Variants in SNX18 observed in about 807,000 individuals in gnomAD.
SNX18 encodes the protein sorting nexin 18, also known as sorting nexin-18.
Under a neutral mutation model 48.7 loss-of-function variants are expected in SNX18, and 35 were observed. The observed-to-expected ratio is 0.72, with a 90% CI of 0.55 to 0.95. The LOEUF (loss-of-function observed/expected upper bound fraction) is 0.95. Ranked by LOEUF, SNX18 falls within the 40% of genes least tolerant of loss-of-function variation. SNX18 has a pLI of 0.00. For missense variants in SNX18, 824 were observed against 871.0 expected, an observed-to-expected ratio of 0.95 and a Z score of 0.68; for synonymous variants, 492 against 384.7, an observed-to-expected ratio of 1.28 and a Z score of -3.26.
chr5:54,552,512 C>A, the SNX18 span, among the ~76,000 whole-genome samples: 4 of 152,220 alleles, frequency 2.6e-5, no homozygotes, highest in African/African-American at 9.6e-5. Flanking sequence ...TGTGGACAGA[C>A]CCTGTGGGAA....
chr5:54,620,122 T>C, the SNX18 span, among the ~76,000 whole-genome samples: 22 of 152,278 alleles, frequency 1.4e-4, no homozygotes, highest in African/African-American at 5.1e-4. Flanking sequence ...CTCTGTTTTA[T>C]AAAGAGCTCT....
Position 54,518,905 on chromosome 5 carries a change from G to A in SNX18, c.953G>A (p.Trp318Ter). The change falls in exon 1 of 2, where the codon TGG (tryptophan) becomes TAG (stop). Residue 318 changes from tryptophan (W) to a stop codon, truncating the protein, a stop_gained. Coordinates refer to ENST00000381410, the MANE Select transcript of SNX18 (RefSeq NM_001102575.2). LOFTEE classifies it high-confidence loss of function. ...PVHRRYKHFD[W>*]LYARLAEKFP... ...CATCGGCGCTACAAGCACTTCGACT[G>A]GCTGTACGCGCGCCTGGCGGAGAAG... is the stretch of plus-strand genomic sequence containing the variant. 6.2e-7 allele frequency: 1 copy of A among 1,613,974 alleles called. No individual in the cohort carries two copies. The highest frequency in any genetic ancestry group is 8.5e-7 in the Non-Finnish European group (1 of 1,180,028).
At chr5:54,532,532 T>C (rs1762268666) in intron 1 of SNX18, among the ~76,000 whole-genome samples, 1 of 152,092 alleles carries the variant, frequency 6.6e-6, no homozygotes, top group Non-Finnish European at 1.5e-5. Flanking sequence ...ATTCTGTGGG[T>C]ATCAGATCTT....
chr5:54,519,473 C>T lies in SNX18; in HGVS notation c.1521C>T (p.Phe507=). ...GDAYDAIGEL[F]AEQPRQDLDP... ...CCTATGACGCCATTGGCGAGCTCTT[C>T]GCGGAGCAGCCCAGGCAGGACCTGG... The change falls in exon 1 of 2, where the codon TTC becomes TTT. Residue 507 remains phenylalanine (F), a synonymous_variant. Transcript: ENST00000381410. 6.2e-7 allele frequency: 1 copy of T among 1,614,196 alleles called. No homozygotes were observed. The highest frequency in any genetic ancestry group is 8.5e-7 in the Non-Finnish European group (1 of 1,180,036).
the SNX18 span, among the ~76,000 whole-genome samples, chr5:54,590,379 C>T: frequency 6.6e-6 from 1 of 152,340 alleles, no homozygotes; most frequent in South Asian, 2.1e-4. Flanking sequence ...CTCTGAATCA[C>T]TTCCCTAAGC....
chr5:54,639,295 A>C, the SNX18 span, among the ~76,000 whole-genome samples: 1 of 152,170 alleles, frequency 6.6e-6, no homozygotes, highest in Non-Finnish European at 1.5e-5. Context: ...TTTTAAAAAA[A>C]AATTTTTCAG....
rs1762552392 is a variant in SNX18, at chr5:54,545,021, A to G, written c.*1589A>G. ...TGCAGATACTCAGAAAAGGTTATTG[A>G]AATAATTACTGAACAGCACATTTTC... On this transcript the variant is annotated 3_prime_UTR_variant, in exon 2 of 2. Transcript: ENST00000381410. The G allele has an allele frequency of 6.6e-6, 1 of 152,184 alleles. No individual in the cohort carries two copies. The highest frequency in any genetic ancestry group is 2.1e-4 in the South Asian group (1 of 4,826). 9.4% of individuals were successfully genotyped at this position (152,184 alleles called of 1,614,324 possible).
downstream of SNX18, among the ~76,000 whole-genome samples, chr5:54,546,802 C>A (rs542903741): frequency 6.6e-6 from 1 of 152,182 alleles, no homozygotes; most frequent in Non-Finnish European, 1.5e-5. Context: ...TTAGTGACAT[C>A]AGGAATTAAG....
the SNX18 span, among the ~76,000 whole-genome samples, chr5:54,576,771 GTGTTTGTTTGTTTGTT>G: frequency 7.8e-6 from 1 of 128,374 alleles, no homozygotes; most frequent in African/African-American, 2.7e-5. Context: ...GCAAGTAGCT[GTGTTTGTTTGTTTGTT>G]TGTTTGTTTG....
the SNX18 span, among the ~76,000 whole-genome samples, chr5:54,611,720 C>A: frequency 6.6e-6 from 1 of 151,944 alleles, no homozygotes; most frequent in South Asian, 2.1e-4. Flanking sequence ...CTCACATAAG[C>A]CTTTATCTGG....
At chr5:54,570,962 A>C in the SNX18 span, among the ~76,000 whole-genome samples, 1 of 152,204 alleles carries the variant, frequency 6.6e-6, no homozygotes, top group Non-Finnish European at 1.5e-5. Context: ...CAGCCACAAA[A>C]GAAGTATTGA....
At chr5:54,580,780 C>T in the SNX18 span, among the ~76,000 whole-genome samples, 1 of 152,206 alleles carries the variant, frequency 6.6e-6, no homozygotes, top group African/African-American at 2.4e-5. Context: ...AGGCAAGGAA[C>T]TCATAAACAG....
At chr5:54,562,764 G>A in the SNX18 span, among the ~76,000 whole-genome samples, 1 of 152,190 alleles carries the variant, frequency 6.6e-6, no homozygotes, top group South Asian at 2.1e-4. Context: ...CTTATGAAAA[G>A]AAAGTTAACT....
In SNX18 at chr5:54,545,032, G is replaced by A. The variant is rs1660270895; in HGVS notation, c.*1600G>A. 6.6e-6 allele frequency: 1 copy of A among 152,124 alleles called. No individual in the cohort carries two copies. The highest frequency in any genetic ancestry group is 2.1e-4 in the South Asian group (1 of 4,826). 9.4% of individuals were successfully genotyped at this position (152,124 alleles called of 1,614,324 possible). A position where few individuals can be genotyped will look rare whatever the true frequency, so the allele number is the denominator to read the frequency against. On this transcript the variant is annotated 3_prime_UTR_variant, in exon 2 of 2. Coordinates refer to ENST00000381410, the MANE Select transcript of SNX18 (RefSeq NM_001102575.2). The stretch of plus-strand genomic sequence containing the variant: ...AGAAAAGGTTATTGAAATAATTACT[G>A]AACAGCACATTTTCTCTCTAAAAAG...
At chr5:54,524,484 G>C (rs1325586428) in intron 1 of SNX18, among the ~76,000 whole-genome samples, 5 of 152,180 alleles carry the variant, frequency 3.3e-5, no homozygotes, top group Non-Finnish European at 7.3e-5. Flanking sequence ...CATAATGCCA[G>C]AACCCAAACA....
chr5:54,601,157 A>T, the SNX18 span, among the ~76,000 whole-genome samples: 2 of 151,920 alleles, frequency 1.3e-5, no homozygotes, highest in Non-Finnish European at 2.9e-5. Flanking sequence ...CCTCTTCCCA[A>T]CTCTGTATCC....
Position 54,543,555 on chromosome 5 carries a change from C to T in SNX18, c.*123C>T. On this transcript the variant is annotated 3_prime_UTR_variant, in exon 2 of 2. Coordinates refer to ENST00000381410, the MANE Select transcript of SNX18 (RefSeq NM_001102575.2). Reference sequence around the variant, plus strand: ...GGTACAAGGACGGTTTTGTGTTCATCTGAAACCCAGCTGAATTTATAATTA... The same window carrying T: ...GGTACAAGGACGGTTTTGTGTTCATTTGAAACCCAGCTGAATTTATAATTA... 8.8e-7 allele frequency: 1 copy of T among 1,130,204 alleles called. No homozygotes were observed. The allele number at this position is 1,130,204 out of a possible 1,614,324, so 70.0% of individuals were successfully genotyped here. A position where few individuals can be genotyped will look rare whatever the true frequency, so the allele number is the denominator to read the frequency against.
chr5:54,557,413 A>C, the SNX18 span, among the ~76,000 whole-genome samples: 1 of 152,242 alleles, frequency 6.6e-6, no homozygotes, highest in Non-Finnish European at 1.5e-5. Context: ...ATAATCATAC[A>C]ATATGGCAAC....
intron 1 of SNX18, among the ~76,000 whole-genome samples, chr5:54,521,205 T>C (rs1008037395): frequency 3.9e-5 from 6 of 152,202 alleles, no homozygotes; most frequent in African/African-American, 1.2e-4. Flanking sequence ...GTTGAAAGGA[T>C]GGAACCAAGT....
Sources: gnomAD v4.1 joint callset for allele counts (sites outside exome capture counted in the v4.1 genomes callset) on GRCh38, gnomAD v4.1.1 for gene constraint, MANE v1.5 for transcripts, NCBI Gene and HGNC (gene_info 2026-07-23, HGNC 2026-07-21) for gene names.